ADRA1B: variants seen among roughly 807,000 people sequenced by gnomAD.
ADRA1B encodes the protein adrenoceptor alpha 1B.
A neutral mutation model predicts 17.9 loss-of-function variants in ADRA1B; 17 were observed. The ratio of observed to expected loss-of-function variants is 0.95; its 90% CI spans 0.65 to 1.42. The LOEUF (loss-of-function observed/expected upper bound fraction) is 1.42. ADRA1B is among the 40% of genes most tolerant of loss of function. ADRA1B has a pLI of 0.00. For missense variants in ADRA1B, 681 were observed against 722.1 expected (o/e 0.94, Z 0.65); for synonymous variants, 366 against 327.6 (o/e 1.12, Z -1.27).
intron 1 of ADRA1B, among the ~76,000 whole-genome samples, chr5:159,894,216 G>A (rs1201016412): frequency 2.0e-5 from 3 of 152,246 alleles, no homozygotes. Context: ...GTCTAGGCCT[G>A]AGGCTATGGC....
intron 1 of ADRA1B, among the ~76,000 whole-genome samples, chr5:159,938,030 T>G (rs1430134509): frequency 6.6e-6 from 1 of 152,228 alleles, no homozygotes; most frequent in Non-Finnish European, 1.5e-5. Context: ...CTGTGTGATT[T>G]TGAAGCTGAC....
chr5:159,874,077 G>C (rs985391876), intron 1 of ADRA1B, among the ~76,000 whole-genome samples: 2 of 151,994 alleles, frequency 1.3e-5, no homozygotes, highest in Admixed American at 6.6e-5. Context: ...TGGGCTATTG[G>C]GGTCTTCTCT....
chr5:159,971,752 C>CG, intron 1 of ADRA1B, 127 bp from the exon 2 acceptor site: 2 of 1,024,754 alleles, frequency 2.0e-6, no homozygotes, highest in South Asian at 4.2e-5. Flanking sequence ...GGAACCGGCT[C>CG]GGGGAAAGGC....
chr5:159,953,560 A>G (rs956131704), intron 1 of ADRA1B, among the ~76,000 whole-genome samples: 1 of 152,154 alleles, frequency 6.6e-6, no homozygotes, highest in Non-Finnish European at 1.5e-5. Flanking sequence ...AAGGGCCAGT[A>G]GCTCTGGGTC....
intron 1 of ADRA1B, among the ~76,000 whole-genome samples, chr5:159,964,972 T>C (rs983525415): frequency 1.3e-5 from 2 of 152,082 alleles, no homozygotes; most frequent in African/African-American, 4.8e-5. Flanking sequence ...ACCCTCCCAA[T>C]TTTCCAGGAA....
rs1297767871 is a variant in ADRA1B, at chr5:159,957,977, AAT to A, written c.950-13899_950-13898del. Among the ~76,000 whole-genome samples, 40 of 151,102 alleles carry A rather than the reference AAT, an allele frequency of 2.6e-4. No individual in the cohort carries two copies. The East Asian group carries it at 5.4e-3, about 20-fold the overall frequency. ...AGAAAAGAAAAAAGAAAAGAAAAGA[AAT>A]ATCATTCTTTTACTGTCATTTGAAT... On this transcript the variant is annotated intron_variant, in intron 1 of 1. Coordinates refer to ENST00000306675, the MANE Select transcript of ADRA1B (RefSeq NM_000679.4).
At chr5:159,871,125 C>T (rs1753733931) in intron 1 of ADRA1B, 1 of 152,222 alleles carries the variant, frequency 6.6e-6, no homozygotes, top group African/African-American at 2.4e-5. Flanking sequence ...TCCCTAGCAG[C>T]TTAGCCATCA....
At chr5:159,939,318 T>C (rs377003381) in intron 1 of ADRA1B, among the ~76,000 whole-genome samples, 4,422 of 98,022 alleles carry the variant, frequency 0.045, 114 homozygotes, top group East Asian at 0.11. Flanking sequence ...TGTGTGTGTG[T>C]GTGTGCGCGC....
chr5:159,888,838 C>A (rs1753953692), intron 1 of ADRA1B, among the ~76,000 whole-genome samples: 1 of 152,224 alleles, frequency 6.6e-6, no homozygotes, highest in African/African-American at 2.4e-5. Context: ...TTACATGAAG[C>A]TATTACACTT....
chr5:159,965,588 G>A (rs957824674), intron 1 of ADRA1B, among the ~76,000 whole-genome samples: 1 of 152,222 alleles, frequency 6.6e-6, no homozygotes, highest in East Asian at 1.9e-4. Flanking sequence ...CTTAACGACA[G>A]CTTCTTGGTT....
chr5:159,907,136 C>T (rs1161031889), intron 1 of ADRA1B, among the ~76,000 whole-genome samples: 3 of 152,180 alleles, frequency 2.0e-5, no homozygotes, highest in Non-Finnish European at 4.4e-5. Context: ...CAAGGACCTG[C>T]CACTCCACCT....
At chr5:159,868,988 C>T (rs1753701043) in intron 1 of ADRA1B, 1 of 152,178 alleles carries the variant, frequency 6.6e-6, no homozygotes, top group Non-Finnish European at 1.5e-5. Flanking sequence ...CAGAGCATCT[C>T]TCATGTTGCT....
At chr5:159,984,501 C>G in the ADRA1B span, among the ~76,000 whole-genome samples, 2 of 152,302 alleles carry the variant, frequency 1.3e-5, no homozygotes, top group East Asian at 3.9e-4. Context: ...TGCATCTTCT[C>G]CAGCCTGAAC....
chr5:159,969,934 T>TAA (rs200266882), intron 1 of ADRA1B, among the ~76,000 whole-genome samples: 7 of 150,488 alleles, frequency 4.7e-5, no homozygotes, highest in East Asian at 1.9e-4. Context: ...TTGCATTTTT[T>TAA]TAAAAAAAAA....
the ADRA1B span, among the ~76,000 whole-genome samples, chr5:159,979,902 C>T: frequency 6.6e-6 from 1 of 150,848 alleles, no homozygotes; most frequent in East Asian, 2.0e-4. Context: ...GTAGAGAGGG[C>T]AAGAAGGAGA....
chr5:159,964,944 G>A (rs954782453), intron 1 of ADRA1B, among the ~76,000 whole-genome samples: 12 of 152,082 alleles, frequency 7.9e-5, no homozygotes, highest in Non-Finnish European at 1.2e-4. Flanking sequence ...CACCTCATCC[G>A]TACAGAAAAT....
chr5:159,931,533 T>G (rs1754806013), intron 1 of ADRA1B, among the ~76,000 whole-genome samples: 1 of 152,188 alleles, frequency 6.6e-6, no homozygotes, highest in African/African-American at 2.4e-5. Flanking sequence ...TTTCTCTTTC[T>G]TGGTAGCAAA....
At chr5:159,886,402 C>G (rs1753922920) in intron 1 of ADRA1B, among the ~76,000 whole-genome samples, 1 of 152,130 alleles carries the variant, frequency 6.6e-6, no homozygotes, top group Admixed American at 6.5e-5. Flanking sequence ...GAGCAAGATC[C>G]TTGCCAATGA....
chr5:159,892,009 C>G (rs529227288), intron 1 of ADRA1B, among the ~76,000 whole-genome samples: 10 of 152,174 alleles, frequency 6.6e-5, no homozygotes, highest in African/African-American at 2.4e-4. Context: ...GAGGCCGAGG[C>G]GGGCAGATCA....
Sources: allele counts gnomAD v4.1 joint callset (sites outside exome capture counted in the v4.1 genomes callset), GRCh38; gene constraint gnomAD v4.1.1; transcripts MANE v1.5; gene names NCBI Gene and HGNC (gene_info 2026-07-23, HGNC 2026-07-21).